Variants in CUL1 observed in about 807,000 individuals in gnomAD.
The protein encoded by CUL1 is cullin 1, also known as cullin-1.
Under a neutral mutation model 118.0 loss-of-function variants are expected in CUL1, and 24 were observed. The ratio of observed to expected loss-of-function variants is 0.20; its 90% CI spans 0.15 to 0.29. The LOEUF is 0.29. CUL1 is among the 10% of genes least tolerant of loss of function. The pLI, the probability that CUL1 is intolerant of heterozygous loss-of-function variation, is 1.00. For missense variants in CUL1, 361 were observed against 933.8 expected (o/e 0.39, Z 7.99); for synonymous variants, 332 against 340.4 (o/e 0.98, Z 0.27).
chr7:148,766,359 C>T (rs1254771513), intron 7 of CUL1, among the ~76,000 whole-genome samples: 10 of 152,136 alleles, frequency 6.6e-5, no homozygotes, highest in Non-Finnish European at 7.3e-5. Context: ...ATCCTGGCCT[C>T]GAGCAATCCT....
At chr7:148,758,436 C>A (rs1376326964) in intron 4 of CUL1, among the ~76,000 whole-genome samples, 4 of 152,056 alleles carry the variant, frequency 2.6e-5, no homozygotes, top group Admixed American at 2.0e-4. Flanking sequence ...GGCAGGAGAC[C>A]AGCCTGGGCA....
intron 2 of CUL1, among the ~76,000 whole-genome samples, chr7:148,739,612 C>T (rs893792690): frequency 1.1e-4 from 17 of 152,076 alleles, no homozygotes; most frequent in Non-Finnish European, 1.6e-4. Context: ...AGTTTTAGTT[C>T]TTTATATGTC....
chr7:148,744,131 A>T (rs1799232024), intron 2 of CUL1, among the ~76,000 whole-genome samples: 1 of 152,010 alleles, frequency 6.6e-6, no homozygotes, highest in African/African-American at 2.4e-5. Flanking sequence ...CTTTCAACTT[A>T]TGTGTATTTT....
intron 1 of CUL1, 101 bp downstream of exon 1, chr7:148,699,130 G>A (rs2129458649): frequency 6.5e-6 from 1 of 152,864 alleles, no homozygotes; most frequent in African/African-American, 2.4e-5. Context: ...GGGCCGCGAC[G>A]GCCGAAACCA....
At chr7:148,719,470 A>C (rs1207658051) in intron 1 of CUL1, among the ~76,000 whole-genome samples, 1 of 152,154 alleles carries the variant, frequency 6.6e-6, no homozygotes, top group Admixed American at 6.5e-5. Flanking sequence ...AATAAGTGCA[A>C]ATTTTTCAAG....
At chr7:148,794,982 C>T (rs1032701159) in intron 17 of CUL1, among the ~76,000 whole-genome samples, 1 of 152,112 alleles carries the variant, frequency 6.6e-6, no homozygotes, top group Non-Finnish European at 1.5e-5. Flanking sequence ...CAGGCGTGCG[C>T]CACCATGCCT....
chr7:148,703,080 G>A (rs1797768809), intron 1 of CUL1, among the ~76,000 whole-genome samples: 1 of 152,292 alleles, frequency 6.6e-6, no homozygotes, highest in East Asian at 1.9e-4. Context: ...GGATAACTCC[G>A]GAGCTCAGGC....
intron 19 of CUL1, 102 bp from the exon 20 acceptor site, chr7:148,798,470 C>A: frequency 1.3e-6 from 1 of 783,436 alleles, no homozygotes; most frequent in Non-Finnish European, 2.2e-6. Context: ...TCCCCTCTGT[C>A]TAGGGAAGCA....
chr7:148,786,750 A>G (rs552148127), intron 12 of CUL1, 151 bp downstream of exon 12: 1 of 812,682 alleles, frequency 1.2e-6, no homozygotes, highest in African/African-American at 1.7e-5. Flanking sequence ...TTGAGTTACT[A>G]CTTTTAGCAT....
At chr7:148,776,307 CTTT>C (rs746777462) in intron 9 of CUL1, among the ~76,000 whole-genome samples, 58 of 40,676 alleles carry the variant, frequency 1.4e-3, no homozygotes, top group African/African-American at 5.9e-3. Flanking sequence ...CATAACCAGG[CTTT>C]TTTTTTTTTT....
intron 1 of CUL1, among the ~76,000 whole-genome samples, chr7:148,700,453 AATG>A (rs1797688019): frequency 6.6e-6 from 1 of 152,228 alleles, no homozygotes; most frequent in African/African-American, 2.4e-5. Flanking sequence ...TAAAATATGT[AATG>A]ATGTTTAAAA....
At chr7:148,720,339 T>C (rs1798359754) in intron 1 of CUL1, among the ~76,000 whole-genome samples, 1 of 152,066 alleles carries the variant, frequency 6.6e-6, no homozygotes, top group African/African-American at 2.4e-5. Flanking sequence ...ATGCCTAGAC[T>C]CCGGCAGTTG....
chr7:148,714,015 T>C (rs1798132930), intron 1 of CUL1, among the ~76,000 whole-genome samples: 3 of 152,176 alleles, frequency 2.0e-5, no homozygotes, highest in Admixed American at 1.3e-4. Context: ...CCACCACGCC[T>C]GGCTGCATGT....
intron 1 of CUL1, among the ~76,000 whole-genome samples, chr7:148,713,031 A>T (rs243535): frequency 1.3e-5 from 2 of 152,012 alleles, no homozygotes; most frequent in East Asian, 3.9e-4. Flanking sequence ...GATTTTTTAA[A>T]AAGTTCCAGT....
intron 15 of CUL1, among the ~76,000 whole-genome samples, 162 bp from the exon 16 acceptor site, chr7:148,790,148 T>TA (rs1800956185): frequency 6.6e-6 from 1 of 152,222 alleles, no homozygotes; most frequent in South Asian, 2.1e-4. Flanking sequence ...TTCCAGTGCT[T>TA]AAAGTGCTTT....
chr7:148,699,672 C>T (rs1385284713), intron 1 of CUL1, among the ~76,000 whole-genome samples: 5 of 152,130 alleles, frequency 3.3e-5, no homozygotes, highest in Non-Finnish European at 7.4e-5. Context: ...GTAACAGTCG[C>T]CCTTTTGCCC....
chr7:148,766,477 G>C, intron 7 of CUL1, 84 bp from the exon 8 acceptor site: 1 of 1,188,454 alleles, frequency 8.4e-7, no homozygotes, highest in Non-Finnish European at 1.2e-6. Flanking sequence ...CCATTTTTCA[G>C]TTTCCTTTAA....
At chr7:148,707,162 C>T (rs888710883) in intron 1 of CUL1, among the ~76,000 whole-genome samples, 1 of 152,012 alleles carries the variant, frequency 6.6e-6, no homozygotes, top group Non-Finnish European at 1.5e-5. Flanking sequence ...TTAAAATCAT[C>T]GAATGTGGAA....
intron 1 of CUL1, among the ~76,000 whole-genome samples, chr7:148,725,219 G>GAACACACA (rs1554463797): frequency 1.4e-5 from 2 of 140,060 alleles, no homozygotes; most frequent in East Asian, 4.3e-4. Context: ...ACACGCGCGC[G>GAACACACA]CTCACACACA....
Sources: gnomAD v4.1 joint callset for allele counts (sites outside exome capture counted in the v4.1 genomes callset) on GRCh38, gnomAD v4.1.1 for gene constraint, MANE v1.5 for transcripts, NCBI Gene and HGNC (gene_info 2026-07-23, HGNC 2026-07-21) for gene names.